FRYL: variants seen among roughly 807,000 people sequenced by gnomAD.
FRYL encodes the protein FRY like transcription coactivator.
Under a neutral mutation model 351.2 loss-of-function variants are expected in FRYL, and 150 were observed. The ratio of observed to expected loss-of-function variants is 0.43; its 90% confidence interval spans 0.37 to 0.49. FRYL has a LOEUF of 0.49. Ranked by LOEUF, FRYL falls within the 20% of genes least tolerant of loss-of-function variation. The pLI is 0.00. For synonymous variants in FRYL, 1,153 were observed against 1,257.1 expected, an observed-to-expected ratio of 0.92 and a Z score of 1.75; for missense variants, 3,036 against 3,619.3, an observed-to-expected ratio of 0.84 and a Z score of 4.13.
intron 3 of FRYL, among the ~76,000 whole-genome samples, chr4:48,655,180 G>A (rs533671449): frequency 2.2e-4 from 34 of 152,226 alleles, no homozygotes; most frequent in Non-Finnish European, 4.4e-4. Flanking sequence ...TGGAAGGGGT[G>A]GGGGTCATTT....
intron 7 of FRYL, among the ~76,000 whole-genome samples, chr4:48,612,965 G>T (rs1342505974): frequency 6.6e-6 from 1 of 152,112 alleles, no homozygotes; most frequent in Admixed American, 6.5e-5. Context: ...TTTATTATGA[G>T]TATGTATGTA....
chr4:48,642,938 C>T (rs922983569), intron 3 of FRYL, among the ~76,000 whole-genome samples: 2 of 152,128 alleles, frequency 1.3e-5, no homozygotes, highest in Non-Finnish European at 2.9e-5. Context: ...TCTTTTGCTT[C>T]CCTTCTAGCA....
intron 3 of FRYL, among the ~76,000 whole-genome samples, chr4:48,636,488 T>C (rs1754258703): frequency 6.6e-6 from 1 of 152,008 alleles, no homozygotes; most frequent in African/African-American, 2.4e-5. Context: ...ACTTCTAAAA[T>C]GACATTCTAG....
chr4:48,723,518 T>A (rs757960815), intron 1 of FRYL, among the ~76,000 whole-genome samples: 7 of 152,154 alleles, frequency 4.6e-5, no homozygotes, highest in Non-Finnish European at 8.8e-5. Context: ...AATAATACCA[T>A]CCTTATTTTA....
chr4:48,567,152 G>A lies in FRYL; in HGVS notation c.3169+96C>T, dbSNP rs1736969325. ...ACATATTTTTCCAGTATGTTCATAC[G>A]TTACTTTATCAACTTAGATTATTAA... On this transcript the variant is annotated intron_variant, in intron 28 of 63. Transcript: ENST00000358350. The surrounding 1 kb of genome is among the most constrained non-coding windows in gnomAD (Gnocchi z 4.2). The A allele has an allele frequency of 5.1e-6, 5 of 985,744 alleles. No homozygotes were observed. The highest frequency in any genetic ancestry group is 3.4e-5 in the South Asian group (2 of 58,556). 61.1% of individuals were successfully genotyped at this position (985,744 alleles called of 1,614,324 possible). A position where few individuals can be genotyped will look rare whatever the true frequency, so the allele number is the denominator to read the frequency against.
intron 1 of FRYL, among the ~76,000 whole-genome samples, chr4:48,712,165 C>A (rs1039547626): frequency 1.3e-5 from 2 of 152,184 alleles, no homozygotes; most frequent in Non-Finnish European, 2.9e-5. Context: ...GGGCACCTCT[C>A]CTCCTCCAAC....
In FRYL at chr4:48,499,451, T is replaced by C. The variant is rs773479730; in HGVS notation, c.9013A>G (p.Met3005Val). The change falls in exon 64 of 64, where the codon ATG (methionine) becomes GTG (valine). Residue 3005 changes from methionine (M) to valine (V), a missense_variant. Physicochemically the swap from Met to Val is conservative, Grantham distance 21. Coordinates refer to ENST00000358350, the MANE Select transcript of FRYL (RefSeq NM_015030.2). ...SYQLLAQAKP[M>V]GNMVSTGF ...AATCCAGTGCTCACCATATTTCCCA[T>C]TGGTTTGGCCTGTGCTAGAAGTTGG... 3 of 1,613,896 alleles carry C rather than the reference T, an allele frequency of 1.9e-6. No individual in the cohort carries two copies. Among genetic ancestry groups the C allele is most frequent in the Non-Finnish European group, 1.7e-6 (2 of 1,179,768 alleles).
At chr4:48,649,646 C>T (rs1757237913) in intron 3 of FRYL, among the ~76,000 whole-genome samples, 1 of 152,158 alleles carries the variant, frequency 6.6e-6, no homozygotes, top group South Asian at 2.1e-4. Flanking sequence ...GTTCCTGATT[C>T]AGTTTTTAAA....
chr4:48,541,750 G>A (rs1356011327), intron 45 of FRYL, among the ~76,000 whole-genome samples: 1 of 152,146 alleles, frequency 6.6e-6, no homozygotes, highest in Non-Finnish European at 1.5e-5. Flanking sequence ...AGACAGCTGG[G>A]GGAGAAACAG....
At position 48,549,395 on chromosome 4, in the gene FRYL, G is replaced by A. The variant is rs1349062853; in HGVS notation, c.4784+78C>T. 4 of 1,318,552 alleles carry A rather than the reference G, an allele frequency of 3.0e-6. No individual in the cohort carries two copies. Among genetic ancestry groups the A allele is most frequent in the South Asian group, 1.6e-5 (1 of 61,874 alleles). 81.7% of individuals were successfully genotyped at this position (1,318,552 alleles called of 1,614,324 possible). A position where few individuals can be genotyped will look rare whatever the true frequency, so the allele number is the denominator to read the frequency against. ...AAGAAGATTGCTTTCATTCTGTGTT[G>A]TCAGATAGCACAAAGAAAGCCGACA... On this transcript the variant is annotated intron_variant, in intron 39 of 63. Transcript: ENST00000358350. The surrounding 1 kb of genome is among the most constrained non-coding windows in gnomAD (Gnocchi z 4.2).
At chr4:48,695,221 T>C (rs1464240675) in intron 2 of FRYL, among the ~76,000 whole-genome samples, 1 of 152,178 alleles carries the variant, frequency 6.6e-6, no homozygotes, top group Non-Finnish European at 1.5e-5. Context: ...TGTGGTGCTG[T>C]AAGAGTTGCT....
chr4:48,756,363 A>G (rs1773777053), intron 1 of FRYL, among the ~76,000 whole-genome samples: 1 of 152,194 alleles, frequency 6.6e-6, no homozygotes, highest in African/African-American at 2.4e-5. Context: ...TTCCTCACTC[A>G]AATCACTCTC....
chr4:48,674,419 C>T (rs147257243), intron 3 of FRYL, among the ~76,000 whole-genome samples: 1,939 of 152,158 alleles, frequency 0.013, 84 homozygotes, highest in Admixed American at 0.089. Context: ...GATTATATCA[C>T]ATCACATGTG....
Position 48,619,384 on chromosome 4 carries a change from C to A in FRYL, c.315-14G>T, listed in dbSNP as rs1293775334. 4 of 1,475,104 alleles carry A rather than the reference C, an allele frequency of 2.7e-6. No homozygotes were observed. The Admixed American group carries it at 8.3e-5, about 31-fold the overall frequency. 91.4% of individuals were successfully genotyped at this position (1,475,104 alleles called of 1,614,324 possible). A position where few individuals can be genotyped will look rare whatever the true frequency, so the allele number is the denominator to read the frequency against. ...TGCTGTTCATCCCTGAAACAAGAAT[C>A]CAAAATTAGTACTGCATTAAGATTA... On this transcript the variant is annotated splice_polypyrimidine_tract_variant and intron_variant, in intron 6 of 63. Transcript: ENST00000358350.
intron 1 of FRYL, among the ~76,000 whole-genome samples, chr4:48,747,747 T>C (rs1483490276): frequency 1.3e-5 from 2 of 152,112 alleles, no homozygotes; most frequent in African/African-American, 2.4e-5. Context: ...AACAAAACGG[T>C]GAAATTGTTG....
chr4:48,514,696 A>G (rs1695583523), intron 56 of FRYL, among the ~76,000 whole-genome samples: 1 of 152,244 alleles, frequency 6.6e-6, no homozygotes, highest in Non-Finnish European at 1.5e-5. Flanking sequence ...TCATTCCAAT[A>G]TTGATTTTAA....
chr4:48,585,796 T>C (rs1315940411), intron 19 of FRYL, among the ~76,000 whole-genome samples: 1 of 152,264 alleles, frequency 6.6e-6, no homozygotes, highest in East Asian at 1.9e-4. Context: ...AGGATATCTA[T>C]CACCATAAAT....
rs144766561 is a variant in FRYL, at chr4:48,560,171, T to C, written c.3865+1297A>G. ...CAGAGCTGACAACATTTAGAGACCA[T>C]TGCATTGAATCTGGAGAAAGAAAGG... On this transcript the variant is annotated intron_variant, in intron 33 of 63. Transcript: ENST00000358350. Among the ~76,000 whole-genome samples, 124 of 152,230 alleles carry C rather than the reference T, an allele frequency of 8.1e-4. 1 individual carries two copies. The highest frequency in any genetic ancestry group is 3.4e-3 in the Middle Eastern group (1 of 294).
rs1184507214 is a variant in FRYL, at chr4:48,687,501, G to C, written c.-203-2706C>G. Among the ~76,000 whole-genome samples the C allele has an allele frequency of 2.3e-3, 298 of 127,774 alleles. 6 individuals carry two copies. The highest frequency in any genetic ancestry group is 8.7e-3 in the African/African-American group (291 of 33,534). 83.8% of individuals were successfully genotyped at this position (127,774 alleles called of 152,430 possible). A position where few individuals can be genotyped will look rare whatever the true frequency, so the allele number is the denominator to read the frequency against. The stretch of plus-strand genomic sequence containing the variant: ...TCAGGGCAAATGAGGTCGGGGGGGG[G>C]GGGGGTGAGGGGGGAGGGGGGCGGA... On this transcript the variant is annotated intron_variant, in intron 2 of 63. Transcript: ENST00000358350.
Sources: allele counts gnomAD v4.1 joint callset (sites outside exome capture counted in the v4.1 genomes callset), GRCh38; gene constraint gnomAD v4.1.1; non-coding constraint Gnocchi (gnomAD v3.1); transcripts MANE v1.5; gene names NCBI Gene and HGNC (gene_info 2026-07-23, HGNC 2026-07-21).